Variants in PCDHA3 observed in about 807,000 individuals in gnomAD.
PCDHA3 encodes protocadherin alpha-3.
PCDHA3 carries 41 observed loss-of-function variants against 62.2 expected under a neutral mutation model. That is an observed-to-expected ratio of 0.66 (90% CI 0.51 to 0.86). The LOEUF (loss-of-function observed/expected upper bound fraction) is 0.86. Among genes scored for constraint, PCDHA3 ranks in the 40% least tolerant of loss-of-function variants. The pLI is 0.00. For missense variants in PCDHA3, 1,304 were observed against 1,241.2 expected, an observed-to-expected ratio of 1.05 and a Z score of -0.76; for synonymous variants, 640 against 555.4, an observed-to-expected ratio of 1.15 and a Z score of -2.14.
chr5:140,891,885 C>T (rs546305739), intron 1 of PCDHA3, among the ~76,000 whole-genome samples: 22 of 152,288 alleles, frequency 1.4e-4, no homozygotes, highest in African/African-American at 2.2e-4. Context: ...TGTCATGTGA[C>T]GATGCAGCAA....
At chr5:140,830,014 C>A (rs2150179616) in intron 1 of PCDHA3, 1 of 1,613,898 alleles carries the variant, frequency 6.2e-7, no homozygotes, top group South Asian at 1.1e-5. Context: ...ACGAAGCGGA[C>A]TCTCCGCGCC....
intron 1 of PCDHA3, among the ~76,000 whole-genome samples, chr5:140,908,224 C>T (rs2073867832): frequency 6.6e-6 from 1 of 152,160 alleles, no homozygotes; most frequent in Admixed American, 6.5e-5. Flanking sequence ...GTGAACCAGT[C>T]CTTAGTCTTC....
chr5:140,995,324 G>A (rs1290299693), intron 3 of PCDHA3, among the ~76,000 whole-genome samples: 1 of 152,190 alleles, frequency 6.6e-6, no homozygotes, highest in African/African-American at 2.4e-5. Context: ...GAACTAACAG[G>A]TGAGTAGTGT....
At chr5:140,993,460 T>TCACA (rs1554253699) in intron 3 of PCDHA3, among the ~76,000 whole-genome samples, 76 of 104,564 alleles carry the variant, frequency 7.3e-4, no homozygotes, top group Admixed American at 2.0e-3. Context: ...CTTCTTTCTT[T>TCACA]CTCACACACA....
intron 1 of PCDHA3, among the ~76,000 whole-genome samples, chr5:140,907,298 A>T (rs138771358): frequency 0.017 from 2,638 of 152,276 alleles, 92 homozygotes; most frequent in African/African-American, 0.06. Context: ...CTGCTTCAGG[A>T]TGATGGGGAA....
intron 1 of PCDHA3, among the ~76,000 whole-genome samples, chr5:140,889,913 T>C (rs1287325026): frequency 6.6e-6 from 1 of 152,172 alleles, no homozygotes; most frequent in Admixed American, 6.5e-5. Context: ...ATTGTCATAC[T>C]GTAAAGAAGC....
chr5:140,932,351 A>C (rs1401387848), intron 1 of PCDHA3, among the ~76,000 whole-genome samples: 1 of 151,920 alleles, frequency 6.6e-6, no homozygotes, highest in Non-Finnish European at 1.5e-5. Flanking sequence ...TTACCATACA[A>C]CTGGCCTTAT....
chr5:140,927,204 G>A, intron 1 of PCDHA3: 1 of 1,614,112 alleles, frequency 6.2e-7, no homozygotes, highest in Non-Finnish European at 8.5e-7. Context: ...TCGAGGACCC[G>A]CTGGAGCTGC....
At chr5:140,822,322 A>G (rs886575240) in intron 1 of PCDHA3, 2 of 1,614,208 alleles carry the variant, frequency 1.2e-6, no homozygotes, top group Admixed American at 1.7e-5. Flanking sequence ...AGATGTTAAA[A>G]CAAATGAAGA....
intron 1 of PCDHA3, among the ~76,000 whole-genome samples, chr5:140,923,307 G>A (rs541732390): frequency 9.2e-5 from 14 of 152,288 alleles, no homozygotes; most frequent in African/African-American, 3.1e-4. Flanking sequence ...GCGTGGGGGC[G>A]CTTGGCCTAG....
chr5:140,975,953 T>C (rs1554237158), intron 1 of PCDHA3, among the ~76,000 whole-genome samples: 1 of 152,084 alleles, frequency 6.6e-6, no homozygotes, highest in East Asian at 1.9e-4. Flanking sequence ...CATATTAGAG[T>C]TCTTCACCAA....
At chr5:140,904,475 T>C (rs1034610314) in intron 1 of PCDHA3, among the ~76,000 whole-genome samples, 1 of 151,866 alleles carries the variant, frequency 6.6e-6, no homozygotes, top group Non-Finnish European at 1.5e-5. Context: ...TGGTGGCTAT[T>C]TGGTCTGATT....
chr5:140,917,417 C>T (rs1163543772), intron 1 of PCDHA3, among the ~76,000 whole-genome samples: 1 of 152,082 alleles, frequency 6.6e-6, no homozygotes, highest in African/African-American at 2.4e-5. Flanking sequence ...TAATTAGGCC[C>T]CATTTGCCAA....
chr5:140,848,364 G>C lies in PCDHA3; in HGVS notation c.2394+44773G>C, dbSNP rs916399183. On this transcript the variant is annotated intron_variant, in intron 1 of 3. Transcript: ENST00000522353. ...AATACAGCCCTTTTCCCATGGGAAA[G>C]AGGCTCAATTCTTTTTCACTCTCTC... 35 of 1,077,596 alleles carry C rather than the reference G, an allele frequency of 3.2e-5. 3 individuals are homozygous for C. Among genetic ancestry groups the C allele is most frequent in the African/African-American group, 4.7e-5 (3 of 63,656 alleles). 66.8% of individuals were successfully genotyped at this position (1,077,596 alleles called of 1,614,324 possible). A position where few individuals can be genotyped will look rare whatever the true frequency, so the allele number is the denominator to read the frequency against.
chr5:140,849,774 G>T (rs2150449369), intron 1 of PCDHA3: 2 of 1,598,482 alleles, frequency 1.3e-6, no homozygotes, highest in East Asian at 4.5e-5. Context: ...GGTGGTTACC[G>T]CGCGGGACGG....
At position 140,802,690 on chromosome 5, in the gene PCDHA3, G is replaced by C. The variant is rs782575320; in HGVS notation, c.1493G>C (p.Arg498Pro). ...ALVSYSLVER[R>P]VGERALSSYV... ...GTGTCCTACTCGCTGGTGGAACGGC[G>C]GGTGGGGGAGCGCGCGCTGTCGAGC... is the stretch of plus-strand genomic sequence containing the variant. Residue 498 changes from arginine to proline, a missense_variant, in exon 1 of 4, where the codon CGG (arginine) becomes CCG (proline). Physicochemically the swap from Arg to Pro is moderately radical, Grantham distance 103. Coordinates refer to ENST00000522353, the MANE Select transcript of PCDHA3 (RefSeq NM_018906.3). 6.2e-7 allele frequency: 1 copy of C among 1,612,966 alleles called. No homozygotes were observed. Among genetic ancestry groups the C allele is most frequent in the Non-Finnish European group, 8.5e-7 (1 of 1,179,792 alleles).
At chr5:140,858,063 G>T in intron 1 of PCDHA3, 1 of 1,597,700 alleles carries the variant, frequency 6.3e-7, no homozygotes, top group Non-Finnish European at 8.6e-7. Flanking sequence ...GTGGAGGGCA[G>T]CCAGGCACCC....
Position 140,823,435 on chromosome 5 carries a change from G to A in PCDHA3, c.2394+19844G>A, listed in dbSNP as rs2150125810. On this transcript the variant is annotated intron_variant, in intron 1 of 3. Coordinates refer to ENST00000522353, the MANE Select transcript of PCDHA3 (RefSeq NM_018906.3). ...CAGCAACGTGACGCTGCAGGTGTTC[G>A]TGCTGGACGAGAACGACAACGCGCC... 6 of 1,613,288 alleles carry A rather than the reference G, an allele frequency of 3.7e-6. No homozygotes were observed. In the East Asian group the frequency reaches 6.7e-5, roughly 18 times the overall value.
At chr5:140,938,469 T>C (rs1172900934) in intron 1 of PCDHA3, among the ~76,000 whole-genome samples, 1 of 152,218 alleles carries the variant, frequency 6.6e-6, no homozygotes, top group South Asian at 2.1e-4. Flanking sequence ...TAATTTATTA[T>C]GTTTTTTAAA....
Sources: allele counts gnomAD v4.1 joint callset (sites outside exome capture counted in the v4.1 genomes callset), GRCh38; gene constraint gnomAD v4.1.1; transcripts MANE v1.5; gene names NCBI Gene and HGNC (gene_info 2026-07-23, HGNC 2026-07-21).